Variants in MSRA observed in about 807,000 individuals in gnomAD.
The protein encoded by MSRA is mitochondrial peptide methionine sulfoxide reductase.
A neutral mutation model predicts 31.3 loss-of-function variants in MSRA; 54 were observed. The ratio of observed to expected loss-of-function variants is 1.73; its 90% CI spans 1.39 to 2.17. The LOEUF (loss-of-function observed/expected upper bound fraction) is 2.17, where lower values mean the gene tolerates loss of function less well. MSRA is among the 30% of genes most tolerant of loss of function. The pLI, the probability that MSRA is intolerant of heterozygous loss-of-function variation, is 0.00. For missense variants in MSRA, 507 were observed against 300.9 expected (o/e 1.69, Z -5.07); for synonymous variants, 169 against 116.5 (o/e 1.45, Z -2.90).
chr8:10,366,886 C>G (rs1200245605), intron 5 of MSRA, among the ~76,000 whole-genome samples: 5 of 152,134 alleles, frequency 3.3e-5, no homozygotes, highest in African/African-American at 1.2e-4. Flanking sequence ...GCTGTTGCCT[C>G]TGTGAAAGCC....
intron 5 of MSRA, among the ~76,000 whole-genome samples, chr8:10,398,467 C>T (rs1807240533): frequency 6.6e-6 from 1 of 152,220 alleles, no homozygotes; most frequent in Non-Finnish European, 1.5e-5. Flanking sequence ...CAGTTTTCTC[C>T]TGCAGGGGTC....
At chr8:10,124,768 A>T (rs181873354) in intron 1 of MSRA, among the ~76,000 whole-genome samples, 1 of 151,932 alleles carries the variant, frequency 6.6e-6, no homozygotes. Flanking sequence ...GTTGAGTTAA[A>T]CATTTTTATG....
At chr8:10,366,311 C>T (rs1393513595) in intron 5 of MSRA, among the ~76,000 whole-genome samples, 1 of 152,220 alleles carries the variant, frequency 6.6e-6, no homozygotes, top group Non-Finnish European at 1.5e-5. Context: ...CCAAAGACAC[C>T]TGCCTACAGT....
chr8:10,292,071 G>A (rs147307388), intron 3 of MSRA, among the ~76,000 whole-genome samples: 11 of 152,152 alleles, frequency 7.2e-5, no homozygotes, highest in Non-Finnish European at 1.3e-4. Context: ...TATTCTAGTC[G>A]CATTAGCTGT....
At chr8:10,261,973 C>G (rs1798509185) in intron 3 of MSRA, among the ~76,000 whole-genome samples, 1 of 152,148 alleles carries the variant, frequency 6.6e-6, no homozygotes, top group Non-Finnish European at 1.5e-5. Flanking sequence ...TGGAAGCATC[C>G]AGTAAATAGC....
intron 2 of MSRA, among the ~76,000 whole-genome samples, chr8:10,217,906 T>G (rs1331885081): frequency 6.6e-6 from 1 of 152,140 alleles, no homozygotes; most frequent in Non-Finnish European, 1.5e-5. Context: ...TCTTTTCATC[T>G]GTAAGTTCAC....
In MSRA at chr8:10,194,212, T is replaced by C. The variant is rs10088463; in HGVS notation, c.143-13621T>C. ...CAAATACTTCATTTTTGAATAATCT[T>C]TTATTTCTATCCAAAATTTTGCATG... On this transcript the variant is annotated intron_variant, in intron 1 of 5. Coordinates refer to ENST00000317173, the MANE Select transcript of MSRA (RefSeq NM_012331.5). 1.3e-3 allele frequency among the ~76,000 whole-genome samples: 193 copies of C among 152,330 alleles called. 1 individual carries two copies. Among genetic ancestry groups the C allele is most frequent in the African/African-American group, 4.2e-3 (174 of 41,564 alleles).
chr8:10,245,089 T>C lies in MSRA; in HGVS notation c.212-15T>C, dbSNP rs1486700938. 1 of 1,609,524 alleles carries C rather than the reference T, an allele frequency of 6.2e-7. No homozygotes were observed. The highest frequency in any genetic ancestry group is 8.5e-7 in the Non-Finnish European group (1 of 1,178,702). On this transcript the variant is annotated splice_polypyrimidine_tract_variant and intron_variant, in intron 2 of 5. Coordinates refer to ENST00000317173, the MANE Select transcript of MSRA (RefSeq NM_012331.5). ...AATAATCAGTATCCTTTTTTTTTCT[T>C]TTTTCTTTTTTAAGGAATGGGATGT... is the stretch of plus-strand genomic sequence containing the variant.
At chr8:10,204,962 C>G (rs768816111) in intron 1 of MSRA, among the ~76,000 whole-genome samples, 2 of 152,136 alleles carry the variant, frequency 1.3e-5, no homozygotes, top group Non-Finnish European at 2.9e-5. Flanking sequence ...CAAAGTGCTA[C>G]TTGGGTGAGT....
intron 1 of MSRA, among the ~76,000 whole-genome samples, chr8:10,101,017 A>C (rs1161247604): frequency 6.6e-6 from 1 of 152,182 alleles, no homozygotes; most frequent in Non-Finnish European, 1.5e-5. Flanking sequence ...GAAAAGATCA[A>C]ATTGTTCTCA....
chr8:10,253,242 G>A (rs1221116011), intron 3 of MSRA, among the ~76,000 whole-genome samples: 1 of 152,208 alleles, frequency 6.6e-6, no homozygotes, highest in African/African-American at 2.4e-5. Flanking sequence ...TGTCATTGAA[G>A]GGCAAGGGGT....
chr8:10,328,547 C>T (rs1227550670), intron 5 of MSRA, among the ~76,000 whole-genome samples: 11 of 152,082 alleles, frequency 7.2e-5, no homozygotes, highest in African/African-American at 2.4e-4. Context: ...CCTCAGTGTA[C>T]CTCGGGTCAT....
At chr8:10,267,041 C>T (rs538302160) in intron 3 of MSRA, among the ~76,000 whole-genome samples, 7 of 152,154 alleles carry the variant, frequency 4.6e-5, no homozygotes, top group African/African-American at 1.4e-4. Flanking sequence ...ATTTCTCGAA[C>T]GAACATGGAT....
chr8:10,207,676 G>C (rs1261866378), intron 1 of MSRA, among the ~76,000 whole-genome samples, 157 bp from the exon 2 acceptor site: 2 of 152,158 alleles, frequency 1.3e-5, no homozygotes, highest in African/African-American at 4.8e-5. Context: ...CTGCAATGGA[G>C]ATGAAAAACA....
At chr8:10,277,966 A>G (rs1799413992) in intron 3 of MSRA, among the ~76,000 whole-genome samples, 1 of 152,222 alleles carries the variant, frequency 6.6e-6, no homozygotes, top group Admixed American at 6.5e-5. Flanking sequence ...TAAGAGTAGT[A>G]CCTGTTATTA....
chr8:10,205,437 A>G (rs548149800), intron 1 of MSRA, among the ~76,000 whole-genome samples: 3 of 152,204 alleles, frequency 2.0e-5, no homozygotes, highest in African/African-American at 7.2e-5. Flanking sequence ...CCATTCCCAA[A>G]GGTGGGGGAT....
intron 5 of MSRA, among the ~76,000 whole-genome samples, chr8:10,421,516 C>A (rs565940754): frequency 4.0e-5 from 6 of 151,822 alleles, no homozygotes; most frequent in Non-Finnish European, 8.8e-5. Flanking sequence ...CGTGTCACCT[C>A]CATGTAATAG....
intron 1 of MSRA, among the ~76,000 whole-genome samples, chr8:10,062,281 G>C (rs1196270604): frequency 6.6e-6 from 1 of 152,188 alleles, no homozygotes; most frequent in Non-Finnish European, 1.5e-5. Context: ...GCTGACATCG[G>C]CAACCCTCTG....
At chr8:10,319,836 C>G (rs759251187) in intron 4 of MSRA, 47 bp from the exon 5 acceptor site, 1 of 1,213,426 alleles carries the variant, frequency 8.2e-7, no homozygotes, top group Non-Finnish European at 1.1e-6. Context: ...GAGACTGGCA[C>G]TGTCGCCTAG....
Sources: gnomAD v4.1 joint callset for allele counts (sites outside exome capture counted in the v4.1 genomes callset) on GRCh38, gnomAD v4.1.1 for gene constraint, MANE v1.5 for transcripts, NCBI Gene and HGNC (gene_info 2026-07-23, HGNC 2026-07-21) for gene names.